MVD: variants seen among roughly 807,000 people sequenced by gnomAD.
MVD encodes the protein diphosphomevalonate decarboxylase.
Under a neutral mutation model 42.4 loss-of-function variants are expected in MVD, and 52 were observed. The ratio of observed to expected loss-of-function variants is 1.23; its 90% CI spans 0.98 to 1.55. The LOEUF is 1.55. Among genes scored for constraint, MVD ranks in the 40% most tolerant of loss-of-function variants. The pLI is 0.00. For synonymous variants in MVD, 287 were observed against 243.2 expected (o/e 1.18, Z -1.68); for missense variants, 663 against 572.1 (o/e 1.16, Z -1.62).
At position 88,656,348 on chromosome 16, in the gene MVD, G is replaced by A. The variant is rs565953680; in HGVS notation, c.404-44C>T. 3.5e-5 allele frequency: 56 copies of A among 1,586,548 alleles called. 1 individual carries two copies. The South Asian group carries it at 5.0e-4, about 14-fold the overall frequency. ...AGGGAGGGTCCTCAGAGCTGCCTGC[G>A]CTGTGCTCCCTGACAGCTCACCGCC... On this transcript the variant is annotated intron_variant, in intron 4 of 9. Coordinates refer to ENST00000301012, the MANE Select transcript of MVD (RefSeq NM_002461.3).
At chr16:88,657,739 G>A in intron 3 of MVD, 157 bp from the exon 4 acceptor site, 1 of 1,298,108 alleles carries the variant, frequency 7.7e-7, no homozygotes, top group Non-Finnish European at 1.1e-6. Flanking sequence ...ACTGACCCAA[G>A]CCCAGCTGGT....
At chr16:88,659,412 C>A (rs1215348431) in intron 1 of MVD, 1 of 152,758 alleles carries the variant, frequency 6.5e-6, no homozygotes, top group African/African-American at 2.4e-5. Flanking sequence ...GACGCCGCTG[C>A]CCTGACAGGC....
chr16:88,657,390 C>A, intron 4 of MVD, 46 bp downstream of exon 4: 1 of 1,546,796 alleles, frequency 6.5e-7, no homozygotes, highest in Non-Finnish European at 8.7e-7. Flanking sequence ...GAAGTGGCTC[C>A]TGCGCCCACA....
chr16:88,654,106 T>TG (rs1379546226), intron 8 of MVD, among the ~76,000 whole-genome samples: 6 of 151,448 alleles, frequency 4.0e-5, no homozygotes, highest in Non-Finnish European at 8.8e-5. Flanking sequence ...AGGGCGTACA[T>TG]GGGGGCTCTG....
intron 4 of MVD, chr16:88,657,138 G>GGT: frequency 3.3e-6 from 2 of 602,098 alleles, no homozygotes; most frequent in South Asian, 3.1e-5. Context: ...GATGGGGGGG[G>GGT]GTCTCACTAT....
chr16:88,662,804 G>A, intron 1 of MVD: 1 of 1,472,432 alleles, frequency 6.8e-7, no homozygotes, highest in Non-Finnish European at 8.9e-7. Context: ...CAGCCGTCGC[G>A]GGGGAACGGG....
intron 1 of MVD, 75 bp downstream of exon 1, chr16:88,662,936 G>T: frequency 2.6e-6 from 4 of 1,546,420 alleles, no homozygotes; most frequent in Middle Eastern, 1.8e-4. Flanking sequence ...GCGCGCCGCC[G>T]AATCAGCGCG....
chr16:88,653,225 AGGGCCCT>A, intron 9 of MVD, 68 bp downstream of exon 9: 1 of 1,224,782 alleles, frequency 8.2e-7, no homozygotes, highest in Non-Finnish European at 1.1e-6. Flanking sequence ...TTAGCCTTTA[AGGGCCCT>A]GGGGGCTGGG....
chr16:88,655,651 C>G lies in MVD; in HGVS notation c.678+5G>C. 6.4e-7 allele frequency: 1 copy of G among 1,551,594 alleles called. No individual in the cohort carries two copies. The highest frequency in any genetic ancestry group is 8.7e-7 in the Non-Finnish European group (1 of 1,147,954). On this transcript the variant is annotated splice_donor_5th_base_variant and intron_variant, in intron 6 of 9. Coordinates refer to ENST00000301012, the MANE Select transcript of MVD (RefSeq NM_002461.3). ...GGCCCCGGGACCACCCGCTCCTGGC[C>G]TTACCCGAAGCAGGGGGCTGGTCTC...
Position 88,657,572 on chromosome 16 carries a change from C to T in MVD, c.267G>A (p.Leu89=). ...LQACLREIRC[L]ARKRRNSRDG... ...CCCGTGAGTTCCTCCGCTTCCGGGC[C>T]AGGCAGCGGACTGCAGAGACAATGA... is the stretch of plus-strand genomic sequence containing the variant. Residue 89 remains leucine, a synonymous_variant, in exon 4 of 10, where the codon CTG becomes CTA. Coordinates refer to ENST00000301012, the MANE Select transcript of MVD (RefSeq NM_002461.3). 1 of 1,612,528 alleles carries T rather than the reference C, an allele frequency of 6.2e-7. No individual in the cohort carries two copies. The highest frequency in any genetic ancestry group is 8.5e-7 in the Non-Finnish European group (1 of 1,179,730).
At chr16:88,660,644 C>CA (rs1033755798) in intron 1 of MVD, 1 of 148,164 alleles carries the variant, frequency 6.7e-6, no homozygotes, top group African/African-American at 2.5e-5. Context: ...CAGTCTGTCT[C>CA]AAAAAAATAA....
At chr16:88,657,154 C>A (rs1028133082) in intron 4 of MVD, 4 of 637,000 alleles carry the variant, frequency 6.3e-6, no homozygotes, top group Admixed American at 4.2e-5. Context: ...ACTATGTTGC[C>A]CAGGCTGGTC....
chr16:88,662,138 A>G (rs545270516), intron 1 of MVD: 11 of 152,274 alleles, frequency 7.2e-5, no homozygotes, highest in African/African-American at 2.6e-4. Context: ...AGGGAAACAC[A>G]AAAAAATTAG....
intron 9 of MVD, 92 bp downstream of exon 9, chr16:88,653,208 G>C: frequency 1.0e-6 from 1 of 955,002 alleles, no homozygotes; most frequent in East Asian, 2.7e-5. Context: ...GGGACAGGGA[G>C]CCGCGCTTAG....
At chr16:88,655,814 C>A in intron 5 of MVD, 84 bp from the exon 6 acceptor site, 1 of 1,467,338 alleles carries the variant, frequency 6.8e-7, no homozygotes, top group South Asian at 1.2e-5. Context: ...GGCCCTCCCT[C>A]AGCCAATGCA....
rs11076693 is a variant in MVD at position 88,652,144 on chromosome 16, G to A, written c.*381C>T. ...GGCCCAAGGAGGCTGCTCCCAGCAC[G>A]GTGACCCCTTCCCTGGTCCGCTGGA... On this transcript the variant is annotated 3_prime_UTR_variant, in exon 10 of 10. Coordinates refer to ENST00000301012, the MANE Select transcript of MVD (RefSeq NM_002461.3). 0.83 allele frequency: 271,202 copies of A among 327,570 alleles called. 113,000 individuals carry two copies. The highest frequency in any genetic ancestry group is 0.99 in the East Asian group (11,281 of 11,396). The allele number at this position is 327,570 out of a possible 1,614,324, so 20.3% of individuals were successfully genotyped here. A position where few individuals can be genotyped will look rare whatever the true frequency, so the allele number is the denominator to read the frequency against.
At chr16:88,662,522 C>CATTACCGCTCCTTGGAG (rs1171045919) in intron 1 of MVD, among the ~76,000 whole-genome samples, 3 of 152,220 alleles carry the variant, frequency 2.0e-5, no homozygotes, top group Admixed American at 6.5e-5. Flanking sequence ...GCGGGCCCCC[C>CATTACCGCTCCTTGGAG]ATTACCGCTC....
intron 9 of MVD, 80 bp from the exon 10 acceptor site, chr16:88,652,685 G>A (rs1907649858): frequency 1.5e-6 from 2 of 1,348,200 alleles, no homozygotes; most frequent in Non-Finnish European, 2.1e-6. Context: ...GCCGGACACA[G>A]GAGGGTAGCG....
chr16:88,656,947 G>A (rs927035654), intron 4 of MVD: 4 of 334,236 alleles, frequency 1.2e-5, no homozygotes, highest in African/African-American at 2.2e-5. Context: ...GTGGCCTGGG[G>A]CCAGCAGAGA....
Sources: gnomAD v4.1 joint callset for allele counts (sites outside exome capture counted in the v4.1 genomes callset) on GRCh38, gnomAD v4.1.1 for gene constraint, MANE v1.5 for transcripts, NCBI Gene and HGNC (gene_info 2026-07-23, HGNC 2026-07-21) for gene names.